Variants in RANBP2 observed in about 807,000 individuals in gnomAD.
The protein encoded by RANBP2 is E3 SUMO-protein ligase RanBP2.
In RANBP2, 57 loss-of-function variants were observed where a neutral mutation model predicts 303.6. That is an observed-to-expected ratio of 0.19 (90% CI 0.15 to 0.23). RANBP2 has a LOEUF of 0.23. RANBP2 is among the 10% of genes least tolerant of loss of function. The probability of loss-of-function intolerance (pLI) is 1.00; values close to 1 mark genes in which losing one functional copy is unlikely to be tolerated. For synonymous variants in RANBP2, 1,167 were observed against 1,301.5 expected (o/e 0.90, Z 2.23); for missense variants, 3,138 against 3,780.8 (o/e 0.83, Z 4.46).
the RANBP2 span, among the ~76,000 whole-genome samples, chr2:109,652,738 G>A: frequency 1.3e-5 from 2 of 152,200 alleles, no homozygotes; most frequent in Non-Finnish European, 2.9e-5. Flanking sequence ...AGGCCAGGAG[G>A]AAGCCAGAGA....
At chr2:109,034,789 GC>G in the RANBP2 span, among the ~76,000 whole-genome samples, 8 of 152,206 alleles carry the variant, frequency 5.3e-5, no homozygotes, top group Admixed American at 3.9e-4. Flanking sequence ...AACCCTGGGG[GC>G]TTAGGTAAAA....
the RANBP2 span, among the ~76,000 whole-genome samples, chr2:108,970,385 G>A: frequency 6.6e-6 from 1 of 152,314 alleles, no homozygotes; most frequent in South Asian, 2.1e-4. Context: ...AAGAGAACCT[G>A]GGAGCCCAGA....
chr2:109,652,531 G>A, the RANBP2 span, among the ~76,000 whole-genome samples: 3,211 of 152,122 alleles, frequency 0.021, 37 homozygotes, highest in Middle Eastern at 0.075. Flanking sequence ...TCTCATCACC[G>A]TATCCTGAGA....
At chr2:109,337,848 C>T in the RANBP2 span, among the ~76,000 whole-genome samples, 1 of 151,996 alleles carries the variant, frequency 6.6e-6, no homozygotes. Context: ...CCACCTCAGC[C>T]TCCCGAGTAG....
the RANBP2 span, among the ~76,000 whole-genome samples, chr2:109,232,867 A>G: frequency 6.6e-5 from 10 of 152,340 alleles, no homozygotes; most frequent in African/African-American, 1.9e-4. Flanking sequence ...ACACAGTAGA[A>G]TTCACACTTT....
chr2:108,754,783 A>G (rs1676168507), intron 15 of RANBP2, 122 bp from the exon 16 acceptor site: 3 of 1,261,666 alleles, frequency 2.4e-6, no homozygotes, highest in Non-Finnish European at 3.3e-6. Flanking sequence ...TGTATTATTT[A>G]AAGTGTAAAG....
chr2:109,460,328 A>G, the RANBP2 span, among the ~76,000 whole-genome samples: 15 of 152,316 alleles, frequency 9.8e-5, no homozygotes, highest in South Asian at 1.2e-3. Flanking sequence ...GGTCCAAGGT[A>G]GTCACCTTGC....
the RANBP2 span, among the ~76,000 whole-genome samples, chr2:109,055,621 C>G: frequency 6.6e-6 from 1 of 150,622 alleles, no homozygotes; most frequent in Non-Finnish European, 1.5e-5. Context: ...GCTGACCTAG[C>G]GATCCATCTG....
the RANBP2 span, among the ~76,000 whole-genome samples, chr2:109,334,650 CACTT>C: frequency 6.6e-6 from 1 of 152,288 alleles, no homozygotes; most frequent in African/African-American, 2.4e-5. Flanking sequence ...CAGGAAGTCA[CACTT>C]AATAATGCAG....
chr2:109,556,850 A>G, the RANBP2 span, among the ~76,000 whole-genome samples: 1 of 152,212 alleles, frequency 6.6e-6, no homozygotes, highest in Non-Finnish European at 1.5e-5. Flanking sequence ...ATAAAAAATG[A>G]TGAGTTCATG....
chr2:109,013,329 T>A, the RANBP2 span, among the ~76,000 whole-genome samples: 4 of 152,148 alleles, frequency 2.6e-5, no homozygotes, highest in Non-Finnish European at 5.9e-5. Flanking sequence ...TCACAGCAGG[T>A]TTTTGCAAAG....
chr2:108,871,267 TCATGCCTGTAATCC>T, the RANBP2 span, among the ~76,000 whole-genome samples: 1 of 151,078 alleles, frequency 6.6e-6, no homozygotes, highest in Non-Finnish European at 1.5e-5. Flanking sequence ...GTGTGGTGTC[TCATGCCTGTAATCC>T]CAGCACTTTG....
At chr2:109,708,285 G>A in the RANBP2 span, among the ~76,000 whole-genome samples, 2 of 151,974 alleles carry the variant, frequency 1.3e-5, no homozygotes, top group African/African-American at 4.8e-5. Context: ...ACTTGAGCCT[G>A]GGAGGTTGAG....
the RANBP2 span, among the ~76,000 whole-genome samples, chr2:109,181,346 C>A: frequency 6.6e-6 from 1 of 152,162 alleles, no homozygotes; most frequent in South Asian, 2.1e-4. Context: ...CATTACTGTT[C>A]ACTAAATTAC....
chr2:109,707,942 A>T, the RANBP2 span, among the ~76,000 whole-genome samples: 1 of 152,244 alleles, frequency 6.6e-6, no homozygotes, highest in Non-Finnish European at 1.5e-5. Context: ...AGTGGCATAG[A>T]GGGTGTGGCC....
chr2:109,674,985 T>C, the RANBP2 span, among the ~76,000 whole-genome samples: 1 of 152,136 alleles, frequency 6.6e-6, no homozygotes, highest in South Asian at 2.1e-4. Flanking sequence ...TTTTTTTCTT[T>C]TAGAGACAGG....
the RANBP2 span, among the ~76,000 whole-genome samples, chr2:109,722,517 A>G: frequency 6.6e-6 from 1 of 152,302 alleles, no homozygotes; most frequent in South Asian, 2.1e-4. Context: ...CATGTGCAGG[A>G]TGTGCAGGTT....
chr2:109,765,787 C>T, the RANBP2 span, among the ~76,000 whole-genome samples: 9 of 151,042 alleles, frequency 6.0e-5, no homozygotes, highest in South Asian at 6.4e-4. Context: ...CAGTAGTGCC[C>T]GCTGATGCTT....
At chr2:109,108,759 A>C in the RANBP2 span, among the ~76,000 whole-genome samples, 106 of 152,236 alleles carry the variant, frequency 7.0e-4, 1 homozygote, top group African/African-American at 2.5e-3. Context: ...GGACGGCTGC[A>C]CCCACCGGTC....
Sources: gnomAD v4.1 joint callset for allele counts (sites outside exome capture counted in the v4.1 genomes callset) on GRCh38, gnomAD v4.1.1 for gene constraint, MANE v1.5 for transcripts, NCBI Gene and HGNC (gene_info 2026-07-23, HGNC 2026-07-21) for gene names.